The following IL1RAPL2 variants were observed in gnomAD, a reference collection of about 807,000 sequenced individuals.
IL1RAPL2 encodes interleukin 1 receptor accessory protein like 2.
In IL1RAPL2, 3 loss-of-function variants were observed where a neutral mutation model predicts 44.1. The observed-to-expected ratio is 0.07, with a 90% CI of 0.03 to 0.18. The LOEUF (loss-of-function observed/expected upper bound fraction) is 0.18. IL1RAPL2 is among the 10% of genes least tolerant of loss of function. IL1RAPL2 has a pLI of 1.00. For missense variants in IL1RAPL2, 391 were observed against 496.4 expected (o/e 0.79, Z 2.02); for synonymous variants, 181 against 178.8 (o/e 1.01, Z -0.10).
At chrX:105,139,106 A>T (rs949823829) in intron 2 of IL1RAPL2, among the ~76,000 whole-genome samples, 2 of 112,032 alleles carry the variant, frequency 1.8e-5, no homozygotes, top group Admixed American at 9.5e-5. Flanking sequence ...ACTATAGAGC[A>T]CAGCACTTCC....
chrX:105,114,682 G>A (rs751514090), intron 2 of IL1RAPL2, among the ~76,000 whole-genome samples: 9 of 111,631 alleles, frequency 8.1e-5, no homozygotes, highest in Non-Finnish European at 1.5e-4. Flanking sequence ...TGGCTAGGCT[G>A]GGAATTTACA....
chrX:104,861,842 G>A lies in IL1RAPL2; in HGVS notation c.82+202847G>A, dbSNP rs182063391. 9.8e-5 allele frequency among the ~76,000 whole-genome samples: 11 copies of A among 111,824 alleles called. 1 individual carries two copies. The East Asian group carries it at 3.1e-3, about 31-fold the overall frequency. Reference sequence around the variant, plus strand: ...ATTCACGTTTTAAAATTGTTGTATTGTTATTTTTTCTAAATATTTTTTATC... The same window carrying A: ...ATTCACGTTTTAAAATTGTTGTATTATTATTTTTTCTAAATATTTTTTATC... On this transcript the variant is annotated intron_variant, in intron 2 of 10. Transcript: ENST00000372582.
chrX:105,740,303 C>T (rs937102082), intron 7 of IL1RAPL2, among the ~76,000 whole-genome samples: 7 of 111,744 alleles, frequency 6.3e-5, no homozygotes, highest in African/African-American at 1.6e-4. Context: ...ATCAAATAGA[C>T]GCAATAATAT....
intron 2 of IL1RAPL2, among the ~76,000 whole-genome samples, chrX:104,949,334 A>C (rs756344046): frequency 1.8e-5 from 2 of 110,763 alleles, no homozygotes; most frequent in Non-Finnish European, 3.8e-5. Context: ...TCTTGCTAGC[A>C]GTCTATCTAT....
chrX:105,173,181 A>G (rs7891801), intron 2 of IL1RAPL2, among the ~76,000 whole-genome samples: 13,233 of 110,697 alleles, frequency 0.12, 2,023 homozygotes, highest in African/African-American at 0.42. Context: ...ACCTACATGG[A>G]AATATTATTC....
chrX:104,866,626 A>T (rs1814823780), intron 2 of IL1RAPL2, among the ~76,000 whole-genome samples: 1 of 112,058 alleles, frequency 8.9e-6, no homozygotes, highest in African/African-American at 3.2e-5. Flanking sequence ...CTGACTTTTC[A>T]TGGGAAAAGT....
At chrX:104,806,522 G>A (rs1277247016) in intron 2 of IL1RAPL2, among the ~76,000 whole-genome samples, 1 of 112,281 alleles carries the variant, frequency 8.9e-6, no homozygotes, top group Admixed American at 9.4e-5. Context: ...CTGAAAACCT[G>A]TCAGTTTCTA....
intron 2 of IL1RAPL2, among the ~76,000 whole-genome samples, chrX:105,036,382 CT>C (rs1284695179): frequency 2.7e-5 from 3 of 111,671 alleles, no homozygotes; most frequent in Non-Finnish European, 5.6e-5. Flanking sequence ...TTGGCCACAT[CT>C]TGGCTTCTCT....
chrX:104,916,659 G>C (rs78003357), intron 2 of IL1RAPL2, among the ~76,000 whole-genome samples: 4 of 111,441 alleles, frequency 3.6e-5, no homozygotes, highest in Non-Finnish European at 7.5e-5. Context: ...TTTTCAAAGG[G>C]AATGCTTCCA....
At position 105,201,972 on chromosome X, in the gene IL1RAPL2, G is replaced by C. The variant is rs1296819014; in HGVS notation, c.356+6224G>C. Among the ~76,000 whole-genome samples, 3 of 111,828 alleles carry C rather than the reference G, an allele frequency of 2.7e-5. No individual in the cohort carries two copies. In the Admixed American group the frequency reaches 2.8e-4, roughly 11 times the overall value. ...TTTTTCTATCTGTTTTTGGTTATAA[G>C]CAGGGGTCTCTGATTCCATTATTTT... is the stretch of plus-strand genomic sequence containing the variant. On this transcript the variant is annotated intron_variant, in intron 3 of 10. Coordinates refer to ENST00000372582, the MANE Select transcript of IL1RAPL2 (RefSeq NM_017416.2).
At chrX:104,783,679 G>A (rs1932785281) in intron 2 of IL1RAPL2, among the ~76,000 whole-genome samples, 1 of 108,081 alleles carries the variant, frequency 9.3e-6, no homozygotes, top group Non-Finnish European at 1.9e-5. Flanking sequence ...ATTTCTACCG[G>A]AATTTCCACT....
At chrX:104,990,051 G>A (rs772612793) in intron 2 of IL1RAPL2, among the ~76,000 whole-genome samples, 18 of 111,609 alleles carry the variant, frequency 1.6e-4, no homozygotes, top group African/African-American at 4.5e-4. Context: ...CTTGACTATC[G>A]TTTGTGTTAC....
intron 6 of IL1RAPL2, among the ~76,000 whole-genome samples, chrX:105,509,321 A>G (rs1330072186): frequency 8.9e-6 from 1 of 111,745 alleles, no homozygotes. Flanking sequence ...CCAACATTGG[A>G]AAAAGCTTGA....
At chrX:104,626,459 T>C (rs1929509325) in intron 1 of IL1RAPL2, among the ~76,000 whole-genome samples, 1 of 110,790 alleles carries the variant, frequency 9.0e-6, no homozygotes, top group Admixed American at 9.8e-5. Context: ...CAAATAAATA[T>C]GAAATATAGA....
intron 6 of IL1RAPL2, among the ~76,000 whole-genome samples, chrX:105,667,432 CAG>C (rs1486188719): frequency 1.8e-5 from 2 of 112,183 alleles, no homozygotes; most frequent in African/African-American, 3.2e-5. Context: ...TATATTGAAA[CAG>C]AGTTATACAA....
chrX:105,162,063 G>A (rs2033330501), intron 2 of IL1RAPL2, among the ~76,000 whole-genome samples: 1 of 112,211 alleles, frequency 8.9e-6, no homozygotes, highest in East Asian at 2.8e-4. Flanking sequence ...AGATGACACT[G>A]TAATTCCAGA....
chrX:105,290,974 C>G (rs753117376), intron 5 of IL1RAPL2, among the ~76,000 whole-genome samples: 1 of 111,581 alleles, frequency 9.0e-6, no homozygotes, highest in Admixed American at 9.6e-5. Context: ...GAAGGGCCAT[C>G]AAATGAGATC....
intron 3 of IL1RAPL2, among the ~76,000 whole-genome samples, chrX:105,208,096 G>A (rs2033779129): frequency 9.0e-6 from 1 of 111,503 alleles, no homozygotes; most frequent in Non-Finnish European, 1.9e-5. Context: ...GCCATGCACA[G>A]GGAAAAACAG....
At chrX:105,658,797 AC>A (rs2037695268) in intron 6 of IL1RAPL2, among the ~76,000 whole-genome samples, 1 of 101,374 alleles carries the variant, frequency 9.9e-6, no homozygotes, top group Non-Finnish European at 1.9e-5. Flanking sequence ...TACTAAAAAT[AC>A]AAAAAAAAAA....
Sources: gnomAD v4.1 joint callset for allele counts (sites outside exome capture counted in the v4.1 genomes callset) on GRCh38, gnomAD v4.1.1 for gene constraint, MANE v1.5 for transcripts, NCBI Gene and HGNC (gene_info 2026-07-23, HGNC 2026-07-21) for gene names.